PCBP3: variants seen among roughly 807,000 people sequenced by gnomAD.
PCBP3 encodes the protein poly(rC)-binding protein 3.
PCBP3 carries 25 observed loss-of-function variants against 52.7 expected under a neutral mutation model. The observed-to-expected ratio is 0.47, with a 90% CI of 0.35 to 0.66. The LOEUF (loss-of-function observed/expected upper bound fraction) is 0.66, where lower values mean the gene tolerates loss of function less well. Among genes scored for constraint, PCBP3 ranks in the 30% least tolerant of loss-of-function variants. The pLI, the probability that PCBP3 is intolerant of heterozygous loss-of-function variation, is 0.01. For missense variants in PCBP3, 391 were observed against 490.3 expected (o/e 0.80, Z 1.91); for synonymous variants, 162 against 183.0 (o/e 0.89, Z 0.93).
rs962671126 is a variant in PCBP3, at chr21:45,928,401, C to T, written c.718-1516C>T. 2.6e-5 allele frequency among the ~76,000 whole-genome samples: 4 copies of T among 152,288 alleles called. 1 individual carries two copies. In the South Asian group the frequency reaches 8.3e-4, roughly 32 times the overall value. On this transcript the variant is annotated intron_variant, in intron 13 of 17. Transcript: ENST00000681687. This position sits in a 1 kb window ranked among gnomAD's most constrained non-coding sequence, Gnocchi z 4.1. ...GGGCAGGGCTGGGGAGCAGGCCCCC[C>T]GATCCTCCCAGGGTACTAGGTACTG...
At position 45,691,874 on chromosome 21, in the gene PCBP3, C is replaced by T. The variant is rs139786636; in HGVS notation, c.-200+22922C>T. On this transcript the variant is annotated intron_variant, in intron 2 of 17. Transcript: ENST00000681687. ...AGGAGTCCCCAGCACAAGGCTTGTTCTGTCCACCAGATTATCTGGCAAGTT... is the reference window on the plus strand; with the variant it reads ...AGGAGTCCCCAGCACAAGGCTTGTTTTGTCCACCAGATTATCTGGCAAGTT... Among the ~76,000 whole-genome samples the T allele has an allele frequency of 2.4e-3, 361 of 152,284 alleles. 2 individuals carry two copies. Among genetic ancestry groups the T allele is most frequent in the African/African-American group, 8.1e-3 (338 of 41,550 alleles).
intron 15 of PCBP3, among the ~76,000 whole-genome samples, chr21:45,932,042 CAA>C (rs2076277970): frequency 6.6e-6 from 1 of 152,068 alleles, no homozygotes; most frequent in African/African-American, 2.4e-5. Context: ...TGAATGAACA[CAA>C]CGGTCATGCT....
intron 3 of PCBP3, among the ~76,000 whole-genome samples, chr21:45,744,782 C>T (rs1424027161): frequency 2.0e-5 from 3 of 152,190 alleles, no homozygotes; most frequent in Non-Finnish European, 2.9e-5. Context: ...ACACTTTTAA[C>T]TCTGTTCTAC....
chr21:45,937,520 G>A (rs1034250387), intron 16 of PCBP3, among the ~76,000 whole-genome samples: 6 of 152,236 alleles, frequency 3.9e-5, no homozygotes, highest in South Asian at 4.1e-4. Flanking sequence ...TGGTCTCTAG[G>A]AGGAGAGGCT....
intron 13 of PCBP3, among the ~76,000 whole-genome samples, chr21:45,925,089 A>G (rs2075195089): frequency 1.1e-5 from 1 of 88,896 alleles, no homozygotes. Flanking sequence ...AGATGCGAAC[A>G]CCGGGAACAG....
At chr21:45,725,738 AG>A (rs767161826) in intron 2 of PCBP3, among the ~76,000 whole-genome samples, 42 of 151,974 alleles carry the variant, frequency 2.8e-4, no homozygotes, top group Non-Finnish European at 5.6e-4. Context: ...GGAGTGGCTG[AG>A]GGGCTGCCTG....
intron 15 of PCBP3, among the ~76,000 whole-genome samples, chr21:45,931,429 A>T (rs2149504753): frequency 6.6e-6 from 1 of 152,312 alleles, no homozygotes; most frequent in Non-Finnish European, 1.5e-5. Context: ...TCCCCTCACC[A>T]AGGCCCTGAG....
intron 5 of PCBP3, among the ~76,000 whole-genome samples, chr21:45,886,488 G>A (rs1332237796): frequency 6.7e-6 from 1 of 148,614 alleles, no homozygotes; most frequent in Admixed American, 6.7e-5. Context: ...GGTGCCAAGG[G>A]CAGAGGACGT....
intron 9 of PCBP3, 136 bp downstream of exon 9, chr21:45,901,249 C>G: frequency 1.5e-6 from 1 of 684,210 alleles, no homozygotes. Context: ...CTACGCTCAC[C>G]TCCTTTGCCT....
rs530166636 is a variant in PCBP3, at chr21:45,725,534, C to G, written c.-199-9858C>G. ...TGTGGGGGCAGTGCCTGCCTGTCCT[C>G]TCTCCATTAAGCCTCTGCTGGGGGC... On this transcript the variant is annotated intron_variant, in intron 2 of 17. Coordinates refer to ENST00000681687, the MANE Select transcript of PCBP3 (RefSeq NM_001384156.1). 3.9e-5 allele frequency among the ~76,000 whole-genome samples: 6 copies of G among 152,352 alleles called. No homozygotes were observed. The East Asian group carries it at 9.7e-4, about 25-fold the overall frequency.
rs370961440 is a variant in PCBP3 at position 45,842,358 on chromosome 21, G to A, written c.-125-7603G>A. On this transcript the variant is annotated intron_variant, in intron 4 of 17. Coordinates refer to ENST00000681687, the MANE Select transcript of PCBP3 (RefSeq NM_001384156.1). ...AATTCAATTGCTTTAATTGTTGTAGGGATATTGAGATTGTCTGTTTCATTT... is the reference window on the plus strand; with the variant it reads ...AATTCAATTGCTTTAATTGTTGTAGAGATATTGAGATTGTCTGTTTCATTT... Among the ~76,000 whole-genome samples, 137 of 152,218 alleles carry A rather than the reference G, an allele frequency of 9.0e-4. No homozygotes were observed. In the South Asian group the frequency reaches 0.011, roughly 12 times the overall value.
chr21:45,648,582 A>G (rs1446804330), intron 1 of PCBP3, among the ~76,000 whole-genome samples: 1 of 152,240 alleles, frequency 6.6e-6, no homozygotes, highest in South Asian at 2.1e-4. Flanking sequence ...GTGGTGTCAC[A>G]GGCTAGGCCC....
At chr21:45,891,749 A>T (rs1187173089) in intron 5 of PCBP3, among the ~76,000 whole-genome samples, 1 of 152,222 alleles carries the variant, frequency 6.6e-6, no homozygotes, top group East Asian at 1.9e-4. Flanking sequence ...CACATTACAC[A>T]CGCAAGGTTA....
chr21:45,784,091 C>A (rs2146145471), intron 4 of PCBP3, among the ~76,000 whole-genome samples: 1 of 152,274 alleles, frequency 6.6e-6, no homozygotes, highest in African/African-American at 2.4e-5. Flanking sequence ...CCTTGTCTAC[C>A]TTGACAGGGA....
intron 13 of PCBP3, among the ~76,000 whole-genome samples, chr21:45,925,969 C>G (rs112894474): frequency 1.3e-5 from 2 of 152,186 alleles, no homozygotes; most frequent in South Asian, 2.1e-4. Context: ...GTACCTCGAA[C>G]GTTACACCTG....
intron 13 of PCBP3, among the ~76,000 whole-genome samples, chr21:45,923,663 T>C (rs557381564): frequency 6.6e-5 from 10 of 152,154 alleles, no homozygotes; most frequent in Non-Finnish European, 1.5e-4. Context: ...AGGGGAGACA[T>C]GGAATGGAGA....
chr21:45,931,922 A>G (rs1193169504), intron 15 of PCBP3, among the ~76,000 whole-genome samples: 2 of 147,946 alleles, frequency 1.4e-5, no homozygotes, highest in African/African-American at 5.0e-5. Context: ...CACCCGGGCC[A>G]TGCTGTCCTG....
intron 4 of PCBP3, among the ~76,000 whole-genome samples, chr21:45,785,367 C>G (rs1380664419): frequency 3.2e-4 from 48 of 150,540 alleles, no homozygotes; most frequent in African/African-American, 1.0e-3. Flanking sequence ...CCCGGCCAGC[C>G]GCCCCATCCG....
chr21:45,923,334 G>A (rs2074735167), intron 13 of PCBP3, among the ~76,000 whole-genome samples: 1 of 152,208 alleles, frequency 6.6e-6, no homozygotes, highest in South Asian at 2.1e-4. Flanking sequence ...AGACCTTGCA[G>A]CTGCAAGTGG....
Sources: gnomAD v4.1 joint callset for allele counts (sites outside exome capture counted in the v4.1 genomes callset) on GRCh38, gnomAD v4.1.1 for gene constraint, Gnocchi (gnomAD v3.1) non-coding constraint, MANE v1.5 for transcripts, NCBI Gene and HGNC (gene_info 2026-07-23, HGNC 2026-07-21) for gene names.